The following WDR47 variants were observed in gnomAD, a reference collection of about 807,000 sequenced individuals.
The protein encoded by WDR47 is WD repeat-containing protein 47.
WDR47 carries 32 observed loss-of-function variants against 97.2 expected under a neutral mutation model. The ratio of observed to expected loss-of-function variants is 0.33; its 90% CI spans 0.25 to 0.44. The LOEUF is 0.44. Among genes scored for constraint, WDR47 ranks in the 20% least tolerant of loss-of-function variants. WDR47 has a pLI of 1.00. For missense variants in WDR47, 782 were observed against 1,102.3 expected (o/e 0.71, Z 4.11); for synonymous variants, 375 against 373.5 (o/e 1.00, Z -0.05).
In WDR47 at chr1:108,983,306, T is replaced by C. The variant is rs1658492610; in HGVS notation, c.2071A>G (p.Asn691Asp). The change falls in exon 11 of 15, where the codon AAT becomes GAT. Residue 691 changes from asparagine to aspartate, a missense_variant. Asn to Asp is a conservative substitution (Grantham distance 23, BLOSUM62 1). Coordinates refer to ENST00000369962, the MANE Select transcript of WDR47 (RefSeq NM_001142551.2). ...NDKYVKVLPFNAETCNATGPD... is the reference protein window; with the variant it reads ...NDKYVKVLPFDAETCNATGPD... ...CCTGTTGCGTTACAAGTCTCTGCAT[T>C]GAAGGGCAGCACTTTGACGTATTTG... 1 of 1,611,532 alleles carries C rather than the reference T, an allele frequency of 6.2e-7. No individual in the cohort carries two copies. Among genetic ancestry groups the C allele is most frequent in the South Asian group, 1.1e-5 (1 of 90,686 alleles).
intron 7 of WDR47, 55 bp downstream of exon 7, chr1:109,002,169 G>A: frequency 6.8e-7 from 1 of 1,471,314 alleles, no homozygotes; most frequent in Non-Finnish European, 9.0e-7. Flanking sequence ...GTTATTGCAT[G>A]TTTTAAATAG....
At chr1:109,023,279 A>G (rs1661980779) in intron 2 of WDR47, 76 bp downstream of exon 2, 2 of 1,392,022 alleles carry the variant, frequency 1.4e-6, no homozygotes, top group Non-Finnish European at 2.0e-6. Flanking sequence ...TTCTATCTGT[A>G]TTATATATAT....
chr1:109,018,851 T>C (rs2101978802), intron 2 of WDR47, among the ~76,000 whole-genome samples: 1 of 151,640 alleles, frequency 6.6e-6, no homozygotes, highest in South Asian at 2.1e-4. Flanking sequence ...CAGGTGATCA[T>C]TTGAGCCCAG....
Position 109,035,452 on chromosome 1 carries a change from T to C in WDR47, c.-10+6410A>G, listed in dbSNP as rs116226128. Among the ~76,000 whole-genome samples the C allele has an allele frequency of 6.1e-3, 933 of 152,192 alleles. 2 individuals carry two copies. Among genetic ancestry groups the C allele is most frequent in the African/African-American group, 0.021 (860 of 41,522 alleles). ...TAACAACCAATATATATTCATGCAT[T>C]ACTTGTATGTTAATACATGCATTTC... On this transcript the variant is annotated intron_variant, in intron 1 of 14. Transcript: ENST00000369962.
chr1:109,036,355 CA>C (rs1274652865), intron 1 of WDR47, among the ~76,000 whole-genome samples: 1 of 151,680 alleles, frequency 6.6e-6, no homozygotes. Flanking sequence ...AGGTGGATCA[CA>C]AAGTCAGGAG....
chr1:108,982,993 C>CA (rs1389656506), intron 11 of WDR47, among the ~76,000 whole-genome samples: 1 of 151,864 alleles, frequency 6.6e-6, no homozygotes, highest in Non-Finnish European at 1.5e-5. Flanking sequence ...TGTCTCTTAT[C>CA]CCAAAGAAAA....
chr1:108,993,280 T>C (rs1383625133), intron 8 of WDR47, among the ~76,000 whole-genome samples: 1 of 150,830 alleles, frequency 6.6e-6, no homozygotes, highest in Non-Finnish European at 1.5e-5. Context: ...GAGCCAAGAT[T>C]GCGCCACTGC....
intron 5 of WDR47, among the ~76,000 whole-genome samples, chr1:109,010,606 G>A (rs546430077): frequency 3.5e-5 from 5 of 141,192 alleles, no homozygotes; most frequent in African/African-American, 1.1e-4. Context: ...TTTTTGAGTC[G>A]GAGTCTCACT....
In WDR47 at chr1:108,980,186, C is replaced by T. The variant is rs72984693; in HGVS notation, c.2398+1547G>A. On this transcript the variant is annotated intron_variant, in intron 13 of 14. Coordinates refer to ENST00000369962, the MANE Select transcript of WDR47 (RefSeq NM_001142551.2). ...TTCCTGGTGGGTGCCAAAAAGGTTG[C>T]GGACTGCTGCCTTAAACTGTCATAT... Among the ~76,000 whole-genome samples the T allele has an allele frequency of 3.0e-3, 463 of 152,072 alleles. 4 individuals are homozygous for T. Among genetic ancestry groups the T allele is most frequent in the African/African-American group, 0.011 (444 of 41,480 alleles).
intron 7 of WDR47, among the ~76,000 whole-genome samples, chr1:109,000,529 G>T (rs1324181828): frequency 2.7e-5 from 1 of 37,036 alleles, no homozygotes; most frequent in Non-Finnish European, 6.1e-5. Context: ...AAAAAAAAAA[G>T]GCCAGGCGTG....
rs372929187 is a variant in WDR47 at position 109,028,362 on chromosome 1, GTTTTTTTTT to G, written c.-9-4850_-9-4842del. Among the ~76,000 whole-genome samples the G allele has an allele frequency of 5.0e-5, 4 of 79,788 alleles. No individual in the cohort carries two copies. The Admixed American group carries it at 6.4e-4, about 13-fold the overall frequency. 52.3% of individuals were successfully genotyped at this position (79,788 alleles called of 152,430 possible). A position where few individuals can be genotyped will look rare whatever the true frequency, so the allele number is the denominator to read the frequency against. On this transcript the variant is annotated intron_variant, in intron 1 of 14. Transcript: ENST00000369962. ...ACTGGGCCCAGCTAATTTTTGTTGG[GTTTTTTTTT>G]TTTTTTTTTTTTTGTAGAGATTGGG... is the stretch of plus-strand genomic sequence containing the variant.
intron 1 of WDR47, among the ~76,000 whole-genome samples, chr1:109,036,962 T>C (rs1662997615): frequency 6.6e-6 from 1 of 152,170 alleles, no homozygotes; most frequent in Non-Finnish European, 1.5e-5. Context: ...TAAAATTTCT[T>C]TATATCATCA....
intron 7 of WDR47, among the ~76,000 whole-genome samples, chr1:108,996,893 G>A (rs1167895339): frequency 2.0e-5 from 3 of 152,206 alleles, no homozygotes; most frequent in Non-Finnish European, 2.9e-5. Flanking sequence ...TGAGGTGGGC[G>A]GATCACTTGA....
intron 1 of WDR47, among the ~76,000 whole-genome samples, chr1:109,026,467 T>A (rs1309442099): frequency 1.3e-5 from 2 of 152,080 alleles, no homozygotes; most frequent in East Asian, 3.8e-4. Context: ...ATTCCTCAAA[T>A]CTTTAGACAA....
chr1:108,997,207 C>T (rs1293847635), intron 7 of WDR47, among the ~76,000 whole-genome samples: 1 of 150,980 alleles, frequency 6.6e-6, no homozygotes, highest in Non-Finnish European at 1.5e-5. Context: ...AGAAGGATTG[C>T]TTGAGCTCGG....
rs537465882 is a variant in WDR47, at chr1:109,023,381, C to T, written c.132G>A (p.Leu44=). The T allele has an allele frequency of 6.2e-7, 1 of 1,613,366 alleles. No individual in the cohort carries two copies. The highest frequency in any genetic ancestry group is 2.2e-5 in the East Asian group (1 of 44,792). Residue 44 remains leucine, a synonymous_variant, in exon 2 of 15, where the codon CTG becomes CTA. Transcript: ENST00000369962. ...TCAGGAAAAGCATATCATCTGAAAA[C>T]AGGCCATTTATGACTCCACTTTCCT... The part of the protein sequence containing the change: ...LEKESGVING[L]FSDDMLFLRQ...
At chr1:109,001,891 CAA>C (rs34586480) in intron 7 of WDR47, among the ~76,000 whole-genome samples, 32 of 132,560 alleles carry the variant, frequency 2.4e-4, no homozygotes, top group Admixed American at 1.8e-3. Flanking sequence ...AGCCTTGCCT[CAA>C]AAAAAAAAAA....
rs1658788054 is a variant in WDR47, at chr1:108,986,193, T to C, written c.1925+330A>G. On this transcript the variant is annotated intron_variant, in intron 10 of 14. Coordinates refer to ENST00000369962, the MANE Select transcript of WDR47 (RefSeq NM_001142551.2). ...AGGAATCCACTGGGGTTCTTAAATG[T>C]ATCCCTTGCAAATAAGGGGGGTCTA... 3.3e-5 allele frequency among the ~76,000 whole-genome samples: 5 copies of C among 152,182 alleles called. 1 individual carries two copies. In the South Asian group the frequency reaches 6.2e-4, roughly 19 times the overall value.
intron 5 of WDR47, 25 bp from the exon 6 acceptor site, chr1:109,004,740 A>C: frequency 6.4e-7 from 1 of 1,570,016 alleles, no homozygotes; most frequent in Non-Finnish European, 8.6e-7. Context: ...GTGCAAAAAA[A>C]CAAAAAGGCA....
Sources: gnomAD v4.1 joint callset for allele counts (sites outside exome capture counted in the v4.1 genomes callset) on GRCh38, gnomAD v4.1.1 for gene constraint, MANE v1.5 for transcripts, NCBI Gene and HGNC (gene_info 2026-07-23, HGNC 2026-07-21) for gene names.